THRB: variants seen among roughly 807,000 people sequenced by gnomAD.
The protein encoded by THRB is nuclear receptor subfamily 1 group A member 2.
In THRB, 12 loss-of-function variants were observed where a neutral mutation model predicts 47.8. The ratio of observed to expected loss-of-function variants is 0.25; its 90% CI spans 0.16 to 0.41. The LOEUF is 0.41. THRB is among the 10% of genes least tolerant of loss of function. The pLI, the probability that THRB is intolerant of heterozygous loss-of-function variation, is 1.00. For missense variants in THRB, 348 were observed against 589.2 expected, an observed-to-expected ratio of 0.59 and a Z score of 4.24; for synonymous variants, 218 against 212.2, an observed-to-expected ratio of 1.03 and a Z score of -0.24.
chr3:24,482,538 C>CCTCTCTCTCT lies in THRB; in HGVS notation c.-261+12104_-261+12113dup, dbSNP rs10575358. 7.2e-3 allele frequency among the ~76,000 whole-genome samples: 937 copies of CCTCTCTCTCT among 130,924 alleles called. 8 individuals carry two copies. The highest frequency in any genetic ancestry group is 0.019 in the African/African-American group (629 of 33,470). 85.9% of individuals were successfully genotyped at this position (130,924 alleles called of 152,430 possible). On this transcript the variant is annotated intron_variant, in intron 1 of 10. Coordinates refer to ENST00000646209, the MANE Select transcript of THRB (RefSeq NM_001354712.2). ...TTCTTTCTTTCTTTCTTTCTGTCTC[C>CCTCTCTCTCT]CTCTCTCTCTCTCTCTCTCTCTCTC...
rs2031041028 is a variant in THRB at position 24,118,454 on chromosome 3, C to T, written c.*4430G>A. ...TTAACACTGTTTGCAAAACACAAAT[C>T]TTCCAATGACTGTAAATCTTTTTCT... On this transcript the variant is annotated 3_prime_UTR_variant, in exon 11 of 11. Coordinates refer to ENST00000646209, the MANE Select transcript of THRB (RefSeq NM_001354712.2). The T allele has an allele frequency of 6.6e-6, 1 of 152,622 alleles. No individual in the cohort carries two copies. Among genetic ancestry groups the T allele is most frequent in the Non-Finnish European group, 1.5e-5 (1 of 68,040 alleles). The allele number at this position is 152,622 out of a possible 1,614,324, so 9.5% of individuals were successfully genotyped here. A position where few individuals can be genotyped will look rare whatever the true frequency, so the allele number is the denominator to read the frequency against.
At chr3:24,308,650 G>A (rs868360012) in intron 2 of THRB, among the ~76,000 whole-genome samples, 1 of 151,970 alleles carries the variant, frequency 6.6e-6, no homozygotes, top group Non-Finnish European at 1.5e-5. Flanking sequence ...GTGTAGATGT[G>A]TACTTAGAAC....
intron 3 of THRB, among the ~76,000 whole-genome samples, chr3:24,253,671 G>A (rs1009645981): frequency 6.6e-6 from 1 of 152,124 alleles, no homozygotes; most frequent in Non-Finnish European, 1.5e-5. Context: ...ATTTTCCAAG[G>A]AGATAAGAAA....
intron 1 of THRB, among the ~76,000 whole-genome samples, chr3:24,369,861 C>A (rs781370708): frequency 6.6e-6 from 1 of 152,094 alleles, no homozygotes; most frequent in Non-Finnish European, 1.5e-5. Context: ...GGGTTAAAGA[C>A]ACAACCTGTA....
chr3:24,331,148 G>A (rs1407170500), intron 2 of THRB, among the ~76,000 whole-genome samples: 5 of 151,916 alleles, frequency 3.3e-5, no homozygotes, highest in Non-Finnish European at 7.4e-5. Context: ...CTGTCTTATG[G>A]CTTAAAAAAA....
At chr3:24,129,243 A>ATTGT (rs2033437185) in intron 9 of THRB, among the ~76,000 whole-genome samples, 2 of 152,094 alleles carry the variant, frequency 1.3e-5, no homozygotes, top group African/African-American at 4.8e-5. Context: ...CTAGGTTCTG[A>ATTGT]TTGTTAAACA....
chr3:24,424,323 T>C (rs968785535), intron 1 of THRB, among the ~76,000 whole-genome samples: 1 of 151,946 alleles, frequency 6.6e-6, no homozygotes, highest in Non-Finnish European at 1.5e-5. Flanking sequence ...TGAAAGAGTG[T>C]GGGCTTTGAA....
At chr3:24,300,928 G>C (rs981927289) in intron 2 of THRB, among the ~76,000 whole-genome samples, 1 of 152,176 alleles carries the variant, frequency 6.6e-6, no homozygotes, top group African/African-American at 2.4e-5. Flanking sequence ...TGGAAAGGGA[G>C]TCTTTGCAGA....
intron 10 of THRB, among the ~76,000 whole-genome samples, chr3:24,127,238 C>A (rs1254783347): frequency 6.6e-6 from 1 of 152,172 alleles, no homozygotes; most frequent in Non-Finnish European, 1.5e-5. Context: ...TGCACAGTAT[C>A]CACCAAAGGC....
intron 1 of THRB, among the ~76,000 whole-genome samples, chr3:24,399,742 C>T (rs2067254685): frequency 6.6e-6 from 1 of 152,060 alleles, no homozygotes; most frequent in Non-Finnish European, 1.5e-5. Flanking sequence ...AACAAACACC[C>T]AGAGAAATTA....
intron 1 of THRB, among the ~76,000 whole-genome samples, chr3:24,339,825 G>A (rs759837496): frequency 6.6e-6 from 1 of 152,148 alleles, no homozygotes; most frequent in African/African-American, 2.4e-5. Flanking sequence ...GCCTAGTTTT[G>A]TTTACACAAG....
intron 1 of THRB, among the ~76,000 whole-genome samples, chr3:24,352,752 T>C (rs113367246): frequency 0.021 from 3,129 of 152,198 alleles, 43 homozygotes; most frequent in African/African-American, 0.038. Flanking sequence ...CATACACATA[T>C]ACTACATATC....
chr3:24,339,910 T>G (rs1319449110), intron 1 of THRB, among the ~76,000 whole-genome samples: 1 of 152,228 alleles, frequency 6.6e-6, no homozygotes, highest in Non-Finnish European at 1.5e-5. Flanking sequence ...CATTTTTAAT[T>G]GGAGCACAAA....
chr3:24,465,279 C>A (rs1030834106), intron 1 of THRB, among the ~76,000 whole-genome samples: 4 of 152,148 alleles, frequency 2.6e-5, no homozygotes, highest in African/African-American at 9.7e-5. Flanking sequence ...TCTATTGTTG[C>A]TAATGAAAAG....
chr3:24,252,033 A>G (rs1448620332), intron 3 of THRB, among the ~76,000 whole-genome samples: 1 of 152,172 alleles, frequency 6.6e-6, no homozygotes, highest in East Asian at 1.9e-4. Flanking sequence ...AATCAGAGTA[A>G]TAAGTCCACT....
chr3:24,487,864 C>A (rs368563934), intron 1 of THRB, among the ~76,000 whole-genome samples: 1 of 152,304 alleles, frequency 6.6e-6, no homozygotes, highest in East Asian at 1.9e-4. Flanking sequence ...TGATTGCTAT[C>A]ATCAATCATT....
chr3:24,140,116 G>T (rs2035243104), intron 8 of THRB, among the ~76,000 whole-genome samples: 1 of 152,182 alleles, frequency 6.6e-6, no homozygotes, highest in Non-Finnish European at 1.5e-5. Flanking sequence ...TCAAAAGAGT[G>T]AAATTTTCAT....
intron 6 of THRB, among the ~76,000 whole-genome samples, chr3:24,150,741 A>G (rs1170223950): frequency 6.6e-6 from 1 of 152,208 alleles, no homozygotes; most frequent in African/African-American, 2.4e-5. Flanking sequence ...ATTGAATTCC[A>G]TATTAAATGG....
At chr3:24,173,498 A>G (rs889201550) in intron 5 of THRB, among the ~76,000 whole-genome samples, 1 of 151,962 alleles carries the variant, frequency 6.6e-6, no homozygotes, top group Non-Finnish European at 1.5e-5. Flanking sequence ...TATCACTGTC[A>G]CTCCAGACTG....
Sources: allele counts gnomAD v4.1 joint callset (sites outside exome capture counted in the v4.1 genomes callset), GRCh38; gene constraint gnomAD v4.1.1; transcripts MANE v1.5; gene names NCBI Gene and HGNC (gene_info 2026-07-23, HGNC 2026-07-21).